Variants in RAB3GAP1 observed in about 807,000 individuals in gnomAD.
RAB3GAP1 encodes the protein RAB3 GTPase activating protein catalytic subunit 1.
Under a neutral mutation model 130.7 loss-of-function variants are expected in RAB3GAP1, and 86 were observed. The observed-to-expected ratio is 0.66, with a 90% CI of 0.55 to 0.79. The LOEUF (loss-of-function observed/expected upper bound fraction) is 0.79, where lower values mean the gene tolerates loss of function less well. Among genes scored for constraint, RAB3GAP1 ranks in the 30% least tolerant of loss-of-function variants. The pLI is 0.00. For synonymous variants in RAB3GAP1, 367 were observed against 401.7 expected (o/e 0.91, Z 1.03); for missense variants, 1,029 against 1,169.4 (o/e 0.88, Z 1.75).
intron 5 of RAB3GAP1, among the ~76,000 whole-genome samples, chr2:135,094,561 C>T (rs1396950593): frequency 6.6e-6 from 1 of 152,140 alleles, no homozygotes; most frequent in East Asian, 1.9e-4. Context: ...CCTTCTAAGC[C>T]TCTGGTAATT....
intron 19 of RAB3GAP1, among the ~76,000 whole-genome samples, chr2:135,155,413 C>A (rs1213888283): frequency 6.6e-6 from 1 of 152,066 alleles, no homozygotes; most frequent in Non-Finnish European, 1.5e-5. Flanking sequence ...ATATGCAATT[C>A]ATTAGTTTCC....
At chr2:135,085,341 T>G (rs1241986017) in intron 3 of RAB3GAP1, among the ~76,000 whole-genome samples, 2 of 152,238 alleles carry the variant, frequency 1.3e-5, no homozygotes, top group East Asian at 1.9e-4. Context: ...AGATTTTTAC[T>G]GATAGAGGTC....
intron 3 of RAB3GAP1, among the ~76,000 whole-genome samples, chr2:135,086,436 G>A (rs918256215): frequency 2.6e-5 from 4 of 151,950 alleles, no homozygotes; most frequent in African/African-American, 9.7e-5. Flanking sequence ...ATCTCATTGT[G>A]GTTTTAGTTT....
chr2:135,162,279 G>T (rs1692483927), intron 19 of RAB3GAP1: 2 of 377,592 alleles, frequency 5.3e-6, no homozygotes, highest in Non-Finnish European at 9.8e-6. Flanking sequence ...TCTTGGTATT[G>T]TAATCAGTCG....
chr2:135,174,190 T>TA, downstream of RAB3GAP1, among the ~76,000 whole-genome samples: 1 of 152,206 alleles, frequency 6.6e-6, no homozygotes. Flanking sequence ...GGAGCGTTCT[T>TA]GGCCTTAGCT....
chr2:135,149,952 T>C (rs1413620769), intron 17 of RAB3GAP1, among the ~76,000 whole-genome samples: 3 of 152,204 alleles, frequency 2.0e-5, no homozygotes, highest in African/African-American at 4.8e-5. Context: ...CCACCGTGCC[T>C]GGCCCTGTTA....
rs1692236575 is a variant in RAB3GAP1, at chr2:135,153,729, TGAAAAG to T, written c.2144_2149del (p.Glu715_Lys716del). 4 of 1,613,998 alleles carry T rather than the reference TGAAAAG, an allele frequency of 2.5e-6. No individual in the cohort carries two copies. Among genetic ancestry groups the T allele is most frequent in the Non-Finnish European group, 3.4e-6 (4 of 1,179,940 alleles). On this transcript the variant is annotated inframe_deletion, in exon 19 of 24. Transcript: ENST00000264158. ...ATTATATTGAAGAGGAGGTGATTGA[TGAAAAG>T]GGCAATGTGGTGCTGAAAGGAGAAC...
At chr2:135,153,503 A>G (rs1441685627) in intron 18 of RAB3GAP1, 146 bp from the exon 19 acceptor site, 1 of 728,918 alleles carries the variant, frequency 1.4e-6, no homozygotes. Flanking sequence ...CATCTGACCT[A>G]TTTTAAAGGT....
chr2:135,080,350 A>T (rs1292126032), intron 3 of RAB3GAP1, among the ~76,000 whole-genome samples: 3 of 152,184 alleles, frequency 2.0e-5, no homozygotes, highest in Non-Finnish European at 4.4e-5. Context: ...TCCTTGCTGG[A>T]TATACATAAA....
In RAB3GAP1 at chr2:135,162,615, G is replaced by A. The variant is rs771342761; in HGVS notation, c.2350G>A (p.Val784Met). 1 of 1,614,152 alleles carries A rather than the reference G, an allele frequency of 6.2e-7. No homozygotes were observed. Among genetic ancestry groups the A allele is most frequent in the East Asian group, 2.2e-5 (1 of 44,886 alleles). ...ADLARHLLPC[V>M]IHAAVLKVKE... ...CCTTGCTCGGCACCTGTTACCTTGT[G>A]TGATTCATGCAGCTGTACTCAAGGT... The change falls in exon 20 of 24, where the codon GTG (valine) becomes ATG (methionine). Residue 784 changes from valine (V) to methionine (M), a missense_variant. Val to Met is a conservative substitution (Grantham distance 21). Transcript: ENST00000264158.
rs1227581556 is a variant in RAB3GAP1 at position 135,162,800 on chromosome 2, C to T, written c.2439C>T (p.Ser813=). 3 of 1,613,750 alleles carry T rather than the reference C, an allele frequency of 1.9e-6. No individual in the cohort carries two copies. Among genetic ancestry groups the T allele is most frequent in the African/African-American group, 1.3e-5 (1 of 74,996 alleles). The change falls in exon 21 of 24, where the codon TCC becomes TCT. Residue 813 remains serine, a synonymous_variant. Coordinates refer to ENST00000264158, the MANE Select transcript of RAB3GAP1 (RefSeq NM_012233.3). ...SVKKIIKQII[S]HSSKVLHFPN... ...AGAAGATCATAAAGCAGATAATATC[C>T]CATTCCAGTAAAGTTTTGCACTTCC...
intron 5 of RAB3GAP1, among the ~76,000 whole-genome samples, chr2:135,103,098 G>A (rs1286326843): frequency 2.2e-5 from 3 of 139,088 alleles, no homozygotes; most frequent in South Asian, 2.5e-4. Context: ...GTGCAGTGGC[G>A]AAATCTTGGC....
chr2:135,069,182 C>G (rs1324252274), intron 3 of RAB3GAP1, among the ~76,000 whole-genome samples: 5 of 152,150 alleles, frequency 3.3e-5, no homozygotes, highest in Admixed American at 3.3e-4. Context: ...ATTGACTCCC[C>G]AGAATACACG....
At chr2:135,132,194 A>G (rs1034605807) in intron 13 of RAB3GAP1, among the ~76,000 whole-genome samples, 6 of 152,240 alleles carry the variant, frequency 3.9e-5, no homozygotes. Flanking sequence ...GTACCACAAA[A>G]CAATTGAGAG....
At chr2:135,139,270 G>A (rs1691768982) in intron 17 of RAB3GAP1, among the ~76,000 whole-genome samples, 1 of 152,042 alleles carries the variant, frequency 6.6e-6, no homozygotes, top group African/African-American at 2.4e-5. Flanking sequence ...GCTGGGCATG[G>A]TAGCTCATGC....
chr2:135,152,178 G>A (rs1383709683), intron 18 of RAB3GAP1, among the ~76,000 whole-genome samples: 1 of 152,250 alleles, frequency 6.6e-6, no homozygotes, highest in Non-Finnish European at 1.5e-5. Flanking sequence ...TGAGTTAGGG[G>A]CTCTTGAGAG....
intron 3 of RAB3GAP1, among the ~76,000 whole-genome samples, chr2:135,059,569 T>C (rs1398490653): frequency 6.6e-6 from 1 of 152,192 alleles, no homozygotes; most frequent in Admixed American, 6.5e-5. Context: ...ATTTGATACA[T>C]GCATATAATC....
At chr2:135,167,762 C>G (rs1573621343) in intron 23 of RAB3GAP1, 1 of 1,425,790 alleles carries the variant, frequency 7.0e-7, no homozygotes, top group Non-Finnish European at 9.5e-7. Context: ...CTTCCCATCC[C>G]TCTAATTTCA....
At chr2:135,064,198 A>G (rs1689254186) in intron 3 of RAB3GAP1, among the ~76,000 whole-genome samples, 1 of 152,132 alleles carries the variant, frequency 6.6e-6, no homozygotes, top group Non-Finnish European at 1.5e-5. Flanking sequence ...TTTGCTGCAT[A>G]GGGTTTATAT....
Sources: allele counts gnomAD v4.1 joint callset (sites outside exome capture counted in the v4.1 genomes callset), GRCh38; gene constraint gnomAD v4.1.1; transcripts MANE v1.5; gene names NCBI Gene and HGNC (gene_info 2026-07-23, HGNC 2026-07-21).